The following RPTOR variants were observed in gnomAD, a reference collection of about 807,000 sequenced individuals.
RPTOR encodes regulatory-associated protein of mTOR.
Under a neutral mutation model 169.9 loss-of-function variants are expected in RPTOR, and 21 were observed. The observed-to-expected ratio is 0.12, with a 90% CI of 0.09 to 0.18. The LOEUF (loss-of-function observed/expected upper bound fraction) is 0.18, where lower values mean the gene tolerates loss of function less well. RPTOR is among the 10% of genes least tolerant of loss of function. RPTOR has a pLI of 1.00. For missense variants in RPTOR, 1,133 were observed against 1,855.9 expected, an observed-to-expected ratio of 0.61 and a Z score of 7.16; for synonymous variants, 732 against 753.2, an observed-to-expected ratio of 0.97 and a Z score of 0.46.
Position 80,633,640 on chromosome 17 carries a change from C to G in RPTOR, c.265+7847C>G, listed in dbSNP as rs1354866408. Among the ~76,000 whole-genome samples, 1 of 152,250 alleles carries G rather than the reference C, an allele frequency of 6.6e-6. No homozygotes were observed. The highest frequency in any genetic ancestry group is 2.4e-5 in the African/African-American group (1 of 41,472). Reference sequence around the variant, plus strand: ...ATGCAGATCTTCTCACCTGATTCAGCTGGCGCCTGCTGGACCTCATGTGAA... The same window carrying G: ...ATGCAGATCTTCTCACCTGATTCAGGTGGCGCCTGCTGGACCTCATGTGAA... On this transcript the variant is annotated intron_variant, in intron 2 of 33. Coordinates refer to ENST00000306801, the MANE Select transcript of RPTOR (RefSeq NM_020761.3). This position sits in a 1 kb window ranked among gnomAD's most constrained non-coding sequence, Gnocchi z 4.1.
chr17:80,689,518 T>C (rs1054639582), intron 3 of RPTOR, among the ~76,000 whole-genome samples: 1 of 152,246 alleles, frequency 6.6e-6, no homozygotes, highest in African/African-American at 2.4e-5. Flanking sequence ...ATTGCTGTTA[T>C]GAGGAATTTA....
In RPTOR at chr17:80,668,527, C is replaced by G. The variant is rs1188586900; in HGVS notation, c.348+24717C>G. ...CAGGCTTCTGGAGAAAGGACCTCCT[C>G]ACAAGCAGACAGCAAAATAAAACAA... is the stretch of plus-strand genomic sequence containing the variant. On this transcript the variant is annotated intron_variant, in intron 3 of 33. Coordinates refer to ENST00000306801, the MANE Select transcript of RPTOR (RefSeq NM_020761.3). Among the ~76,000 whole-genome samples the G allele has an allele frequency of 2.6e-5, 4 of 152,180 alleles. No individual in the cohort carries two copies. The South Asian group carries it at 8.3e-4, about 32-fold the overall frequency.
At chr17:80,945,264 C>T (rs2069086219) in intron 25 of RPTOR, among the ~76,000 whole-genome samples, 3 of 152,098 alleles carry the variant, frequency 2.0e-5, no homozygotes, top group Admixed American at 2.0e-4. Flanking sequence ...CTCTGCACCC[C>T]AGCCAGGGCG....
At chr17:80,895,264 G>C (rs992206165) in intron 20 of RPTOR, among the ~76,000 whole-genome samples, 1 of 152,118 alleles carries the variant, frequency 6.6e-6, no homozygotes, top group Non-Finnish European at 1.5e-5. Flanking sequence ...TATGGTGGCC[G>C]CTCCCCTCTC....
chr17:80,710,371 G>A (rs924234360), intron 4 of RPTOR, among the ~76,000 whole-genome samples: 2 of 152,098 alleles, frequency 1.3e-5, no homozygotes, highest in Non-Finnish European at 2.9e-5. Flanking sequence ...TGGGGACTGG[G>A]TGGGGAGCGG....
chr17:80,845,449 C>T lies in RPTOR; in HGVS notation c.1213-1024C>T, dbSNP rs901830764. 2.6e-5 allele frequency among the ~76,000 whole-genome samples: 4 copies of T among 152,142 alleles called. No individual in the cohort carries two copies. The highest frequency in any genetic ancestry group is 1.9e-4 in the East Asian group (1 of 5,184). ...TCACTGAGGAAACAAGAAGCAGTCGCATGACCGCCTCTGCCGGGTCCTCCA... is the reference window on the plus strand; with the variant it reads ...TCACTGAGGAAACAAGAAGCAGTCGTATGACCGCCTCTGCCGGGTCCTCCA... On this transcript the variant is annotated intron_variant, in intron 10 of 33. Transcript: ENST00000306801. This position sits in a 1 kb window ranked among gnomAD's most constrained non-coding sequence, Gnocchi z 5.4.
intron 3 of RPTOR, among the ~76,000 whole-genome samples, chr17:80,662,548 C>T (rs1358707438): frequency 1.3e-5 from 2 of 151,896 alleles, no homozygotes; most frequent in Non-Finnish European, 2.9e-5. Flanking sequence ...TGGGTGGGGC[C>T]ACAGGATGGG....
chr17:80,783,985 CT>C (rs915245165), intron 6 of RPTOR, among the ~76,000 whole-genome samples: 34 of 151,560 alleles, frequency 2.2e-4, no homozygotes, highest in African/African-American at 6.5e-4. Flanking sequence ...AAAAGGCATA[CT>C]TTTTTTTTAA....
At chr17:80,616,417 G>T (rs8072291) in intron 1 of RPTOR, among the ~76,000 whole-genome samples, 43,773 of 148,922 alleles carry the variant, frequency 0.29, 6,451 homozygotes, top group Middle Eastern at 0.37. Flanking sequence ...TTCTGCCTCA[G>T]TCTCCCGAGT....
At chr17:80,963,894 C>T (rs1328970241) in intron 33 of RPTOR, among the ~76,000 whole-genome samples, 2 of 152,030 alleles carry the variant, frequency 1.3e-5, no homozygotes, top group Non-Finnish European at 2.9e-5. Context: ...TTGCAGCCTC[C>T]CCACGTGGCT....
chr17:80,918,510 T>TGAGCACCCTCGCGGGGGTCATAGCCAC (rs1567986219), intron 21 of RPTOR, among the ~76,000 whole-genome samples: 6 of 102,036 alleles, frequency 5.9e-5, no homozygotes, highest in East Asian at 2.6e-4. Flanking sequence ...GTCATAGCCA[T>TGAGCACCCTCGCGGGGGTCATAGCCAC]GAGCACCCTC....
At chr17:80,873,359 A>T (rs925738792) in intron 13 of RPTOR, among the ~76,000 whole-genome samples, 1 of 152,058 alleles carries the variant, frequency 6.6e-6, no homozygotes, top group Non-Finnish European at 1.5e-5. Flanking sequence ...CAGCCCAAAC[A>T]TGGGTTCTTT....
intron 3 of RPTOR, among the ~76,000 whole-genome samples, chr17:80,683,981 G>T (rs1192048511): frequency 6.6e-6 from 1 of 152,166 alleles, no homozygotes; most frequent in Non-Finnish European, 1.5e-5. Flanking sequence ...TCAGTTGCCT[G>T]GTGCCACAAT....
chr17:80,838,127 G>GA (rs1178852562), intron 10 of RPTOR, 130 bp downstream of exon 10: 3 of 682,898 alleles, frequency 4.4e-6, no homozygotes, highest in Admixed American at 2.9e-5. Context: ...CACCTGCCTG[G>GA]AAAAAATGTA....
intron 1 of RPTOR, among the ~76,000 whole-genome samples, chr17:80,584,929 C>T (rs2065046354): frequency 6.6e-6 from 1 of 152,078 alleles, no homozygotes; most frequent in African/African-American, 2.4e-5. Flanking sequence ...TTAAGATAAG[C>T]CACATATTAT....
At chr17:80,561,473 G>C (rs4890044) in intron 1 of RPTOR, among the ~76,000 whole-genome samples, 53,587 of 149,896 alleles carry the variant, frequency 0.36, 10,489 homozygotes, top group African/African-American at 0.5. Flanking sequence ...CTGTGTCACT[G>C]AGGCTGGAGT....
intron 6 of RPTOR, among the ~76,000 whole-genome samples, chr17:80,757,442 C>G (rs185174528): frequency 2.4e-4 from 37 of 152,256 alleles, no homozygotes; most frequent in Admixed American, 2.2e-3. Flanking sequence ...TTTTCACGTA[C>G]CAGTTTATGA....
intron 5 of RPTOR, among the ~76,000 whole-genome samples, chr17:80,738,419 G>C (rs558918309): frequency 6.6e-6 from 1 of 152,184 alleles, no homozygotes; most frequent in Admixed American, 6.5e-5. Flanking sequence ...GGCACCTTTC[G>C]TAACTCCGAG....
chr17:80,886,884 C>T (rs944519334), intron 17 of RPTOR, among the ~76,000 whole-genome samples: 2 of 152,218 alleles, frequency 1.3e-5, no homozygotes, highest in African/African-American at 2.4e-5. Flanking sequence ...AGCACGTGGT[C>T]TAATCAAAGA....
Sources: gnomAD v4.1 joint callset for allele counts (sites outside exome capture counted in the v4.1 genomes callset) on GRCh38, gnomAD v4.1.1 for gene constraint, Gnocchi (gnomAD v3.1) non-coding constraint, MANE v1.5 for transcripts, NCBI Gene and HGNC (gene_info 2026-07-23, HGNC 2026-07-21) for gene names.